CCNB3: variants seen among roughly 807,000 people sequenced by gnomAD.
The protein encoded by CCNB3 is G2/mitotic-specific cyclin-B3.
Under a neutral mutation model 68.0 loss-of-function variants are expected in CCNB3, and 12 were observed. The observed-to-expected ratio is 0.18, with a 90% CI of 0.11 to 0.29. CCNB3 has a LOEUF of 0.29. CCNB3 is among the 10% of genes least tolerant of loss of function. The pLI is 1.00. For synonymous variants in CCNB3, 354 were observed against 388.9 expected, an observed-to-expected ratio of 0.91 and a Z score of 1.06; for missense variants, 904 against 993.1, an observed-to-expected ratio of 0.91 and a Z score of 1.21.
At chrX:50,286,803 C>G (rs12015832) in intron 3 of CCNB3, among the ~76,000 whole-genome samples, 1,234 of 111,368 alleles carry the variant, frequency 0.011, 11 homozygotes, top group African/African-American at 0.037. Flanking sequence ...GCATGCGCCA[C>G]CGCGCCCAGC....
rs374163406 is a variant in CCNB3 at position 50,346,646 on chromosome X, C to G, written c.3655-6C>G. 3.3e-6 allele frequency: 4 copies of G among 1,205,162 alleles called. No homozygotes were observed. In the African/African-American group the frequency reaches 7.0e-5, roughly 21 times the overall value. Reference sequence around the variant, plus strand: ...GGTTGTCACCTCCTCTCCTCTCCACCCATAGGAGCACAACTCACCTCGTGT... The same window carrying G: ...GGTTGTCACCTCCTCTCCTCTCCACGCATAGGAGCACAACTCACCTCGTGT... On this transcript the variant is annotated splice_polypyrimidine_tract_variant and splice_region_variant and intron_variant, in intron 9 of 12. Transcript: ENST00000376042.
chrX:50,223,729 A>C (rs1462286384), intron 1 of CCNB3, among the ~76,000 whole-genome samples: 2 of 112,301 alleles, frequency 1.8e-5, no homozygotes, highest in Admixed American at 1.9e-4. Context: ...TCTCCCAGTC[A>C]GGGGGGAAGG....
In CCNB3 at chrX:50,333,582, G is replaced by A. The variant is rs187768170; in HGVS notation, c.3517-8620G>A. Among the ~76,000 whole-genome samples the A allele has an allele frequency of 2.6e-3, 284 of 111,327 alleles. 1 individual carries two copies. Among genetic ancestry groups the A allele is most frequent in the African/African-American group, 8.1e-3 (247 of 30,610 alleles). On this transcript the variant is annotated intron_variant, in intron 8 of 12. Transcript: ENST00000376042. The stretch of plus-strand genomic sequence containing the variant: ...ACTCTTGACCTGGATGAGTGGTTTC[G>A]TGCATGGCCAATACAATTGTGGCTC...
intron 1 of CCNB3, among the ~76,000 whole-genome samples, chrX:50,214,302 C>T (rs1935527066): frequency 9.5e-6 from 1 of 105,188 alleles, no homozygotes; most frequent in East Asian, 3.0e-4. Flanking sequence ...TTTTTAATTT[C>T]ACTGATTTCT....
In CCNB3 at chrX:50,310,526, A is replaced by T; in HGVS notation, c.2357A>T (p.Glu786Val). The change falls in exon 6 of 13, where the codon GAG becomes GTG. Residue 786 changes from glutamate to valine, a missense_variant. Around this residue, in one of 2 missense-constraint regions of CCNB3, gnomAD observed 619 missense variants for 609.8 expected, o/e 1.02. Coordinates refer to ENST00000376042, the MANE Select transcript of CCNB3 (RefSeq NM_033031.3). Reference sequence around the variant, plus strand: ...CTTAATAAGCAGCCACTGGCCTTGGAGGGGTATCCCAGCATTGCGGAGGGG... The same window carrying T: ...CTTAATAAGCAGCCACTGGCCTTGGTGGGGTATCCCAGCATTGCGGAGGGG... ...EFLNKQPLAL[E>V]GYPSIAEGET... 1 of 1,211,120 alleles carries T rather than the reference A, an allele frequency of 8.3e-7. No homozygotes were observed. Among genetic ancestry groups the T allele is most frequent in the Non-Finnish European group, 1.1e-6 (1 of 895,071 alleles).
chrX:50,304,405 T>G (rs952107154), intron 5 of CCNB3, among the ~76,000 whole-genome samples: 1 of 111,535 alleles, frequency 9.0e-6, no homozygotes, highest in Non-Finnish European at 1.9e-5. Context: ...AATGGGGAAA[T>G]GATTCCCTAT....
At position 50,308,504 on chromosome X, in the gene CCNB3, G is replaced by A; in HGVS notation, c.336-1G>A. On this transcript the variant is annotated splice_acceptor_variant, in intron 5 of 12. Coordinates refer to ENST00000376042, the MANE Select transcript of CCNB3 (RefSeq NM_033031.3). LOFTEE classifies it high-confidence loss of function. ...TTACCCAGACATTGTTTCCTTCACA[G>A]GCATAAGCTGGAAGTCACACCAGTA... 3 of 1,163,241 alleles carry A rather than the reference G, an allele frequency of 2.6e-6. No individual in the cohort carries two copies. Among genetic ancestry groups the A allele is most frequent in the Non-Finnish European group, 2.3e-6 (2 of 858,539 alleles).
At chrX:50,314,245 T>TGTA (rs1479440333) in intron 8 of CCNB3, among the ~76,000 whole-genome samples, 3 of 112,254 alleles carry the variant, frequency 2.7e-5, no homozygotes, top group Middle Eastern at 4.6e-3. Flanking sequence ...TTATCATTCT[T>TGTA]AAAGTCTTGT....
At chrX:50,305,800 G>A (rs868984770) in intron 5 of CCNB3, among the ~76,000 whole-genome samples, 9 of 89,857 alleles carry the variant, frequency 1.0e-4, no homozygotes, top group African/African-American at 3.4e-4. Context: ...TTTTTTTGAC[G>A]GAGTCTTGCT....
intron 11 of CCNB3, among the ~76,000 whole-genome samples, chrX:50,348,572 A>C (rs782489674): frequency 5.5e-4 from 62 of 112,048 alleles, no homozygotes; most frequent in Admixed American, 2.8e-4. Flanking sequence ...AAACAGAGAA[A>C]GCATTCAATA....
At chrX:50,228,394 A>G (rs1218260064) in intron 1 of CCNB3, among the ~76,000 whole-genome samples, 1 of 87,876 alleles carries the variant, frequency 1.1e-5, no homozygotes, top group Non-Finnish European at 2.2e-5. Flanking sequence ...ATATCTACAT[A>G]AATATATATA....
intron 10 of CCNB3, among the ~76,000 whole-genome samples, chrX:50,347,263 G>T (rs1254392920): frequency 7.2e-5 from 8 of 110,377 alleles, no homozygotes; most frequent in African/African-American, 2.6e-4. Context: ...AAAGGGAAAA[G>T]GTTGTTTTGA....
At chrX:50,214,686 A>G (rs1388434346) in intron 1 of CCNB3, among the ~76,000 whole-genome samples, 1 of 100,942 alleles carries the variant, frequency 9.9e-6, no homozygotes, top group Non-Finnish European at 2.0e-5. Context: ...ATTTATGTAT[A>G]TAATATGTAC....
intron 8 of CCNB3, among the ~76,000 whole-genome samples, chrX:50,333,486 T>C (rs1922703634): frequency 9.0e-6 from 1 of 111,688 alleles, no homozygotes; most frequent in South Asian, 3.8e-4. Flanking sequence ...CACACTGTTG[T>C]TGTGTTACGG....
chrX:50,224,648 T>TA (rs1178932036), intron 1 of CCNB3, among the ~76,000 whole-genome samples: 1 of 111,831 alleles, frequency 8.9e-6, no homozygotes, highest in Non-Finnish European at 1.9e-5. Flanking sequence ...ACTAAAGACT[T>TA]ACGGTGACTT....
At chrX:50,219,267 T>C (rs989792780) in intron 1 of CCNB3, among the ~76,000 whole-genome samples, 1 of 112,056 alleles carries the variant, frequency 8.9e-6, no homozygotes, top group Non-Finnish European at 1.9e-5. Context: ...AGAAGCTCTT[T>C]AGTTTAATTA....
chrX:50,209,724 AT>A (rs1935452285), intron 1 of CCNB3, among the ~76,000 whole-genome samples: 1 of 111,778 alleles, frequency 8.9e-6, no homozygotes, highest in Non-Finnish European at 1.9e-5. Flanking sequence ...CATCTATGTC[AT>A]TTCTGATATT....
chrX:50,204,298 G>C (rs947062377), upstream of CCNB3, among the ~76,000 whole-genome samples: 2 of 111,813 alleles, frequency 1.8e-5, no homozygotes, highest in Non-Finnish European at 3.8e-5. Context: ...GAATCACCTG[G>C]AGGGCTTCAG....
intron 4 of CCNB3, among the ~76,000 whole-genome samples, chrX:50,291,058 C>G (rs1225167628): frequency 9.0e-6 from 1 of 111,278 alleles, no homozygotes; most frequent in Non-Finnish European, 1.9e-5. Flanking sequence ...TGTCTTCATC[C>G]CTGTGTTCTT....
Sources: allele counts gnomAD v4.1 joint callset (sites outside exome capture counted in the v4.1 genomes callset), GRCh38; gene constraint gnomAD v4.1.1; regional missense constraint gnomAD v4.1.1; transcripts MANE v1.5; gene names NCBI Gene and HGNC (gene_info 2026-07-23, HGNC 2026-07-21).